The following DYM variants were observed in gnomAD, a reference collection of about 807,000 sequenced individuals.
DYM encodes dymeclin.
In DYM, 78 loss-of-function variants were observed where a neutral mutation model predicts 93.1. That is an observed-to-expected ratio of 0.84 (90% confidence interval 0.70 to 1.01). The LOEUF (loss-of-function observed/expected upper bound fraction) is 1.01, where lower values mean the gene tolerates loss of function less well. Among genes scored for constraint, DYM ranks in the 50% least tolerant of loss-of-function variants. The pLI, the probability that DYM is intolerant of heterozygous loss-of-function variation, is 0.00. For missense variants in DYM, 789 were observed against 845.0 expected (o/e 0.93, Z 0.82); for synonymous variants, 321 against 319.7 (o/e 1.00, Z -0.04).
At chr18:49,323,239 A>G (rs546115917) in intron 8 of DYM, among the ~76,000 whole-genome samples, 1 of 152,306 alleles carries the variant, frequency 6.6e-6, no homozygotes, top group African/African-American at 2.4e-5. Context: ...TAGAATGGGT[A>G]GTGAGTGATC....
chr18:49,444,138 A>G (rs971254904), intron 1 of DYM, among the ~76,000 whole-genome samples: 2 of 152,222 alleles, frequency 1.3e-5, no homozygotes, highest in Non-Finnish European at 2.9e-5. Context: ...GCTATTAATC[A>G]TATTCTCAAT....
chr18:49,298,318 A>G (rs748531417), intron 8 of DYM, among the ~76,000 whole-genome samples: 3 of 152,200 alleles, frequency 2.0e-5, no homozygotes, highest in Admixed American at 1.3e-4. Flanking sequence ...GGTGGCTCAT[A>G]CTTGTAATCC....
intron 6 of DYM, among the ~76,000 whole-genome samples, chr18:49,355,489 C>T (rs2065476402): frequency 6.6e-6 from 1 of 152,058 alleles, no homozygotes; most frequent in Non-Finnish European, 1.5e-5. Flanking sequence ...CAATATGATA[C>T]ACTGATAGAT....
At chr18:49,046,778 T>C (rs2071648995) in intron 17 of DYM, among the ~76,000 whole-genome samples, 1 of 152,062 alleles carries the variant, frequency 6.6e-6, no homozygotes. Context: ...CGCATGTCTG[T>C]AGCTACTCAA....
At chr18:49,292,383 C>T (rs1354776870) in intron 8 of DYM, among the ~76,000 whole-genome samples, 3 of 150,850 alleles carry the variant, frequency 2.0e-5, no homozygotes, top group African/African-American at 7.3e-5. Context: ...CACACACACA[C>T]ACACACACAC....
chr18:49,215,785 T>A (rs1013466827), intron 13 of DYM, among the ~76,000 whole-genome samples: 2 of 152,236 alleles, frequency 1.3e-5, no homozygotes, highest in African/African-American at 4.8e-5. Context: ...GATGGCCGAA[T>A]AGGAACAGCT....
At chr18:49,451,556 T>A (rs1003450671) in intron 1 of DYM, among the ~76,000 whole-genome samples, 3 of 152,212 alleles carry the variant, frequency 2.0e-5, no homozygotes, top group African/African-American at 7.2e-5. Context: ...TCACAGGTAT[T>A]TGAAGATACA....
chr18:49,437,004 G>C (rs1477284139), intron 1 of DYM, among the ~76,000 whole-genome samples: 4 of 151,816 alleles, frequency 2.6e-5, no homozygotes, highest in Non-Finnish European at 5.9e-5. Context: ...CTCCCACCAG[G>C]TGAAGCAACA....
chr18:49,299,347 A>G (rs1373061355), intron 8 of DYM, among the ~76,000 whole-genome samples: 1 of 152,198 alleles, frequency 6.6e-6, no homozygotes, highest in Admixed American at 6.5e-5. Context: ...TACTCATATA[A>G]GACAAAATCG....
intron 8 of DYM, among the ~76,000 whole-genome samples, chr18:49,320,736 G>A (rs960527411): frequency 1.3e-5 from 2 of 152,128 alleles, no homozygotes; most frequent in Admixed American, 6.6e-5. Context: ...GCCTCCTAAA[G>A]TGCTGGGATT....
At chr18:49,051,151 C>A (rs1447577842) in intron 17 of DYM, among the ~76,000 whole-genome samples, 1 of 152,178 alleles carries the variant, frequency 6.6e-6, no homozygotes, top group Non-Finnish European at 1.5e-5. Flanking sequence ...ATGTCTGTGG[C>A]CAACGTGGAC....
chr18:49,290,577 C>T (rs531507167), intron 8 of DYM, among the ~76,000 whole-genome samples: 2 of 151,782 alleles, frequency 1.3e-5, no homozygotes, highest in Admixed American at 1.3e-4. Context: ...ATATAGATCC[C>T]ATTAGTATGT....
chr18:49,381,206 C>G (rs2147730575), intron 3 of DYM, among the ~76,000 whole-genome samples: 1 of 151,912 alleles, frequency 6.6e-6, no homozygotes, highest in Admixed American at 6.6e-5. Flanking sequence ...GTTGCCCAAG[C>G]TGGTATATTT....
At chr18:49,052,987 C>T (rs1430198480) in intron 17 of DYM, among the ~76,000 whole-genome samples, 1 of 152,242 alleles carries the variant, frequency 6.6e-6, no homozygotes, top group East Asian at 1.9e-4. Context: ...TCCTGTGACA[C>T]AGCTCAACAA....
intron 2 of DYM, among the ~76,000 whole-genome samples, chr18:49,411,381 C>A (rs1002055526): frequency 4.6e-5 from 7 of 152,060 alleles, no homozygotes; most frequent in African/African-American, 1.7e-4. Flanking sequence ...AATTTTAAAT[C>A]TAATAAGGAA....
chr18:49,296,413 G>A (rs1369002149), intron 8 of DYM, among the ~76,000 whole-genome samples: 1 of 152,106 alleles, frequency 6.6e-6, no homozygotes, highest in Non-Finnish European at 1.5e-5. Flanking sequence ...CATTTATTAA[G>A]GGCCTGCTAT....
At chr18:49,456,568 T>C (rs78807549) in intron 1 of DYM, among the ~76,000 whole-genome samples, 13,892 of 152,258 alleles carry the variant, frequency 0.091, 854 homozygotes, top group East Asian at 0.31. Flanking sequence ...ATGTCCTTAT[T>C]GGAAAGTTTC....
intron 8 of DYM, among the ~76,000 whole-genome samples, chr18:49,317,630 TCTC>T (rs2062086311): frequency 2.3e-5 from 1 of 43,042 alleles, no homozygotes; most frequent in East Asian, 1.0e-3. Flanking sequence ...CCTCCCTCCC[TCTC>T]CTATCCTCTC....
rs1288820704 is a variant in DYM at position 49,260,636 on chromosome 18, T to C, written c.1252-2143A>G. Among the ~76,000 whole-genome samples, 9 of 152,122 alleles carry C rather than the reference T, an allele frequency of 5.9e-5. No homozygotes were observed. In the East Asian group the frequency reaches 1.2e-3, roughly 19 times the overall value. ...TTTGCAGTATATGAGAAAGTTCCAT[T>C]GGCTTCCAGACAGAAGAACATGTTA... On this transcript the variant is annotated intron_variant, in intron 11 of 17. Coordinates refer to ENST00000675505, the MANE Select transcript of DYM (RefSeq NM_001353214.3).
Sources: allele counts gnomAD v4.1 joint callset (sites outside exome capture counted in the v4.1 genomes callset), GRCh38; gene constraint gnomAD v4.1.1; transcripts MANE v1.5; gene names NCBI Gene and HGNC (gene_info 2026-07-23, HGNC 2026-07-21).